The following THSD7B variants were observed in gnomAD, a reference collection of about 807,000 sequenced individuals.
THSD7B encodes the protein thrombospondin type-1 domain-containing protein 7B.
THSD7B carries 138 observed loss-of-function variants against 213.6 expected under a neutral mutation model. That is an observed-to-expected ratio of 0.65 (90% CI 0.56 to 0.74). The LOEUF (loss-of-function observed/expected upper bound fraction) is 0.74, where lower values mean the gene tolerates loss of function less well. Among genes scored for constraint, THSD7B ranks in the 30% least tolerant of loss-of-function variants. The pLI, the probability that THSD7B is intolerant of heterozygous loss-of-function variation, is 0.00. For missense variants in THSD7B, 1,931 were observed against 1,991.5 expected (o/e 0.97, Z 0.58); for synonymous variants, 742 against 687.0 (o/e 1.08, Z -1.25).
At chr2:137,591,151 T>C (rs1681857431) in intron 17 of THSD7B, among the ~76,000 whole-genome samples, 2 of 151,972 alleles carry the variant, frequency 1.3e-5, no homozygotes, top group South Asian at 4.1e-4. Context: ...TGATCATATC[T>C]GATCTTTTTA....
chr2:137,666,273 G>A (rs1367655237), intron 26 of THSD7B, among the ~76,000 whole-genome samples: 1 of 151,840 alleles, frequency 6.6e-6, no homozygotes, highest in Non-Finnish European at 1.5e-5. Flanking sequence ...TTCTCACTCA[G>A]GAAAGACTTT....
At chr2:137,162,114 G>T (rs1360960362) in intron 6 of THSD7B, among the ~76,000 whole-genome samples, 2 of 152,312 alleles carry the variant, frequency 1.3e-5, no homozygotes, top group African/African-American at 4.8e-5. Flanking sequence ...TAAGTCAGAA[G>T]AGACTGGTTT....
At position 137,314,441 on chromosome 2, in the gene THSD7B, C is replaced by T. The variant is rs1330506694; in HGVS notation, c.2500+38415C>T. ...TTTTCACAGTTTTCAACTTCTTTGC[C>T]TTTGGTTTGAATGTCCTCCCATAGC... On this transcript the variant is annotated intron_variant, in intron 12 of 27. Coordinates refer to ENST00000409968, the MANE Select transcript of THSD7B (RefSeq NM_001316349.2). Among the ~76,000 whole-genome samples, 4 of 152,214 alleles carry T rather than the reference C, an allele frequency of 2.6e-5. No homozygotes were observed. In the East Asian group the frequency reaches 7.7e-4, roughly 29 times the overall value.
chr2:137,377,983 C>T lies in THSD7B; in HGVS notation c.2501-27630C>T, dbSNP rs558974871. Among the ~76,000 whole-genome samples, 9 of 152,186 alleles carry T rather than the reference C, an allele frequency of 5.9e-5. 1 individual carries two copies. The highest frequency in any genetic ancestry group is 4.6e-4 in the Admixed American group (7 of 15,278). On this transcript the variant is annotated intron_variant, in intron 12 of 27. Coordinates refer to ENST00000409968, the MANE Select transcript of THSD7B (RefSeq NM_001316349.2). ...CTTTTAGTGTATCCACAGAGTTGTA[C>T]GACCATCACATTAATTTCACATTTT...
chr2:137,349,778 A>G (rs1264702319), intron 12 of THSD7B, among the ~76,000 whole-genome samples: 1 of 151,780 alleles, frequency 6.6e-6, no homozygotes, highest in African/African-American at 2.4e-5. Flanking sequence ...ATTTTGCTCA[A>G]TGATCAGTCC....
intron 15 of THSD7B, among the ~76,000 whole-genome samples, chr2:137,503,177 T>G (rs16838999): frequency 0.24 from 36,657 of 152,044 alleles, 4,799 homozygotes; most frequent in South Asian, 0.39. Context: ...TTTTTCTTCT[T>G]AAAATGAACT....
chr2:137,670,778 A>G (rs998431956), intron 27 of THSD7B, among the ~76,000 whole-genome samples: 16 of 152,042 alleles, frequency 1.1e-4, no homozygotes, highest in Middle Eastern at 3.4e-3. Flanking sequence ...AAAATTAGCC[A>G]GGTGTGGTGG....
intron 1 of THSD7B, among the ~76,000 whole-genome samples, chr2:136,836,141 A>G (rs1333682766): frequency 1.3e-5 from 2 of 152,228 alleles, no homozygotes; most frequent in Non-Finnish European, 2.9e-5. Flanking sequence ...AAAACAGTGT[A>G]AGCCATTTTG....
chr2:137,097,769 GACACACAC>G lies in THSD7B; in HGVS notation c.1199+2681_1199+2688del, dbSNP rs3050089. Among the ~76,000 whole-genome samples, 837 of 141,454 alleles carry G rather than the reference GACACACAC, an allele frequency of 5.9e-3. 8 individuals are homozygous for G. The highest frequency in any genetic ancestry group is 0.025 in the East Asian group (123 of 4,892). The allele number at this position is 141,454 out of a possible 152,430, so 92.8% of individuals were successfully genotyped here. A position where few individuals can be genotyped will look rare whatever the true frequency, so the allele number is the denominator to read the frequency against. ...ACTGTTTGAAAATGCCGCTAAGTTT[GACACACAC>G]ACACACACACACACACACACACACA... On this transcript the variant is annotated intron_variant, in intron 4 of 27. Transcript: ENST00000409968.
At chr2:137,188,076 G>A (rs1448963621) in intron 7 of THSD7B, among the ~76,000 whole-genome samples, 1 of 152,114 alleles carries the variant, frequency 6.6e-6, no homozygotes, top group African/African-American at 2.4e-5. Flanking sequence ...GCTCATGGTA[G>A]GTACTCGATA....
chr2:137,676,431 C>T (rs973710687), intron 27 of THSD7B, 93 bp from the exon 28 acceptor site: 137 of 1,144,882 alleles, frequency 1.2e-4, no homozygotes, highest in Middle Eastern at 3.9e-4. Context: ...TGTCATTTTA[C>T]CGCTTAAATT....
intron 4 of THSD7B, among the ~76,000 whole-genome samples, chr2:137,106,127 G>C (rs961099803): frequency 1.3e-5 from 2 of 152,104 alleles, no homozygotes; most frequent in African/African-American, 4.8e-5. Flanking sequence ...GAGGAATCAC[G>C]CTACCTGACT....
At chr2:137,588,163 G>A (rs575508328) in intron 17 of THSD7B, among the ~76,000 whole-genome samples, 6 of 152,308 alleles carry the variant, frequency 3.9e-5, no homozygotes, top group African/African-American at 9.6e-5. Flanking sequence ...CTGGTCTGCC[G>A]TTTGCTAAGA....
intron 1 of THSD7B, among the ~76,000 whole-genome samples, chr2:136,870,067 G>A (rs555364648): frequency 4.6e-3 from 272 of 59,280 alleles, no homozygotes; most frequent in Middle Eastern, 0.013. Context: ...GCGAGACTCC[G>A]TCTCAAAAAA....
chr2:136,841,940 CCTT>C (rs1206057600), intron 1 of THSD7B, among the ~76,000 whole-genome samples: 1 of 152,120 alleles, frequency 6.6e-6, no homozygotes, highest in Non-Finnish European at 1.5e-5. Flanking sequence ...TGTATCCTGA[CCTT>C]CTGCAAAGAA....
At chr2:137,455,188 T>C (rs181301680) in intron 15 of THSD7B, among the ~76,000 whole-genome samples, 1 of 152,320 alleles carries the variant, frequency 6.6e-6, no homozygotes, top group East Asian at 1.9e-4. Context: ...GGTTGTCAAA[T>C]TGTATTCACT....
chr2:136,781,127 A>G (rs1681734436), intron 1 of THSD7B, among the ~76,000 whole-genome samples: 2 of 152,188 alleles, frequency 1.3e-5, no homozygotes, highest in African/African-American at 4.8e-5. Flanking sequence ...GATGTTTTCA[A>G]TTTAATATAC....
chr2:136,795,165 G>T (rs1682039170), intron 1 of THSD7B, among the ~76,000 whole-genome samples: 1 of 151,948 alleles, frequency 6.6e-6, no homozygotes, highest in South Asian at 2.1e-4. Context: ...AGTTCTGGAG[G>T]TTAGGAGTCC....
chr2:137,208,335 G>A (rs1681029612), intron 7 of THSD7B, among the ~76,000 whole-genome samples: 1 of 152,052 alleles, frequency 6.6e-6, no homozygotes, highest in Admixed American at 6.6e-5. Context: ...GGTTGAAAGA[G>A]TTCCTTCAGA....
Sources: gnomAD v4.1 joint callset for allele counts (sites outside exome capture counted in the v4.1 genomes callset) on GRCh38, gnomAD v4.1.1 for gene constraint, MANE v1.5 for transcripts, NCBI Gene and HGNC (gene_info 2026-07-23, HGNC 2026-07-21) for gene names.